Variants in CWF19L2 observed in about 807,000 individuals in gnomAD.
The protein encoded by CWF19L2 is CWF19-like protein 2.
Under a neutral mutation model 111.7 loss-of-function variants are expected in CWF19L2, and 98 were observed. The ratio of observed to expected loss-of-function variants is 0.88; its 90% CI spans 0.75 to 1.04. The LOEUF is 1.04. Ranked by LOEUF, CWF19L2 falls within the 50% of genes least tolerant of loss-of-function variation. CWF19L2 has a pLI of 0.00. For missense variants in CWF19L2, 1,101 were observed against 1,051.4 expected (o/e 1.05, Z -0.65); for synonymous variants, 351 against 342.9 (o/e 1.02, Z -0.26).
intron 10 of CWF19L2, among the ~76,000 whole-genome samples, chr11:107,406,764 T>C (rs1397950005): frequency 6.6e-6 from 1 of 151,678 alleles, no homozygotes; most frequent in East Asian, 1.9e-4. Context: ...TAAAAAATCA[T>C]TTCTATTTAT....
intron 12 of CWF19L2, among the ~76,000 whole-genome samples, chr11:107,385,278 G>A (rs886442344): frequency 6.6e-6 from 1 of 150,732 alleles, no homozygotes; most frequent in African/African-American, 2.4e-5. Flanking sequence ...GTAGGAACTG[G>A]CATTGCTTTG....
chr11:107,427,358 C>T (rs941833719), intron 8 of CWF19L2, among the ~76,000 whole-genome samples: 1 of 151,992 alleles, frequency 6.6e-6, no homozygotes, highest in Non-Finnish European at 1.5e-5. Context: ...GGAAAAATTA[C>T]ATGTATACAT....
At chr11:107,402,648 C>T (rs1443433849) in intron 10 of CWF19L2, among the ~76,000 whole-genome samples, 1 of 151,872 alleles carries the variant, frequency 6.6e-6, no homozygotes, top group Non-Finnish European at 1.5e-5. Context: ...TAAACTAGTA[C>T]AGCCACTATG....
chr11:107,417,900 C>T (rs1861250365), intron 9 of CWF19L2, among the ~76,000 whole-genome samples: 1 of 152,096 alleles, frequency 6.6e-6, no homozygotes, highest in Non-Finnish European at 1.5e-5. Flanking sequence ...GCTGGAATTA[C>T]AGGCATGCGC....
intron 14 of CWF19L2, among the ~76,000 whole-genome samples, chr11:107,339,935 T>C (rs1159453704): frequency 1.3e-5 from 2 of 152,268 alleles, no homozygotes; most frequent in East Asian, 3.9e-4. Flanking sequence ...CCCAAAGTCC[T>C]GAGATTACAG....
chr11:107,455,704 G>A lies in CWF19L2; in HGVS notation c.178C>T (p.Leu60=). 1.3e-6 allele frequency: 2 copies of A among 1,550,912 alleles called. No individual in the cohort carries two copies. Among genetic ancestry groups the A allele is most frequent in the South Asian group, 2.4e-5 (2 of 84,012 alleles). ...TCAATTCTCTCATTCACATCAGGTA[G>A]CATCCATGTATCCTCACCCCGAAGT... ...KRLRGEDTWM[L]PDVNERIEQF... is the part of the protein sequence containing the mutation. Residue 60 remains leucine (L), a synonymous_variant, in exon 2 of 18, where the codon CTA becomes TTA. Coordinates refer to ENST00000282251, the MANE Select transcript of CWF19L2 (RefSeq NM_152434.3).
Position 107,393,060 on chromosome 11 carries a change from T to C in CWF19L2, c.1618-165A>G, listed in dbSNP as rs367657778. Reference sequence around the variant, plus strand: ...TACTCTCTATACTATAAAATGAACATAATCTTTTGGGGAAAGGGTAAAAAA... The same window carrying C: ...TACTCTCTATACTATAAAATGAACACAATCTTTTGGGGAAAGGGTAAAAAA... On this transcript the variant is annotated intron_variant, in intron 10 of 17. Transcript: ENST00000282251. Among the ~76,000 whole-genome samples, 18 of 152,252 alleles carry C rather than the reference T, an allele frequency of 1.2e-4. No individual in the cohort carries two copies. The East Asian group carries it at 3.5e-3, about 29-fold the overall frequency.
chr11:107,354,031 A>T (rs1297719006), intron 12 of CWF19L2, among the ~76,000 whole-genome samples: 1 of 152,056 alleles, frequency 6.6e-6, no homozygotes, highest in Non-Finnish European at 1.5e-5. Context: ...ATAGATGAGG[A>T]AACTGAATCA....
intron 8 of CWF19L2, among the ~76,000 whole-genome samples, chr11:107,422,912 G>A (rs1027099447): frequency 1.3e-5 from 2 of 151,912 alleles, no homozygotes; most frequent in African/African-American, 4.8e-5. Flanking sequence ...ATTGTTGAAA[G>A]GAAAGGCAAT....
chr11:107,451,911 GA>G (rs1160626055), intron 3 of CWF19L2, among the ~76,000 whole-genome samples: 1 of 151,998 alleles, frequency 6.6e-6, no homozygotes, highest in Non-Finnish European at 1.5e-5. Flanking sequence ...CAGAAAACTA[GA>G]AATAAAATGT....
At chr11:107,387,722 C>T (rs1448748337) in intron 12 of CWF19L2, among the ~76,000 whole-genome samples, 1 of 152,150 alleles carries the variant, frequency 6.6e-6, no homozygotes, top group African/African-American at 2.4e-5. Context: ...AGATCCCTCA[C>T]ATGTCTAATT....
chr11:107,379,657 T>C (rs1236412780), intron 12 of CWF19L2, among the ~76,000 whole-genome samples: 1 of 152,232 alleles, frequency 6.6e-6, no homozygotes, highest in Non-Finnish European at 1.5e-5. Context: ...ATTTTAAACA[T>C]ACAAAAATAT....
At chr11:107,404,123 G>A (rs1322288890) in intron 10 of CWF19L2, 7 of 775,082 alleles carry the variant, frequency 9.0e-6, no homozygotes, top group Non-Finnish European at 1.7e-5. Flanking sequence ...TGTCTCTGTC[G>A]ACTTTCTTCC....
intron 12 of CWF19L2, among the ~76,000 whole-genome samples, chr11:107,380,931 A>G (rs1349966812): frequency 1.3e-5 from 2 of 152,236 alleles, no homozygotes; most frequent in East Asian, 3.8e-4. Context: ...GCAAAACTTG[A>G]AAACATTATG....
At chr11:107,441,313 C>T (rs1861615690) in intron 5 of CWF19L2, among the ~76,000 whole-genome samples, 190 bp downstream of exon 5, 2 of 152,146 alleles carry the variant, frequency 1.3e-5, no homozygotes, top group African/African-American at 4.8e-5. Context: ...TCTAGTAAAC[C>T]TTTAAACTCA....
intron 12 of CWF19L2, among the ~76,000 whole-genome samples, chr11:107,367,278 G>A (rs372431529): frequency 7.4e-6 from 1 of 134,652 alleles, no homozygotes; most frequent in Non-Finnish European, 1.6e-5. Context: ...GCGATTCCTC[G>A]GGGATCTAGA....
At chr11:107,359,292 C>A (rs1860286927) in intron 12 of CWF19L2, among the ~76,000 whole-genome samples, 1 of 152,194 alleles carries the variant, frequency 6.6e-6, no homozygotes, top group African/African-American at 2.4e-5. Context: ...TATGGATTTG[C>A]CTTCCTGGCA....
At chr11:107,374,294 G>A (rs1860561959) in intron 12 of CWF19L2, among the ~76,000 whole-genome samples, 1 of 129,298 alleles carries the variant, frequency 7.7e-6, no homozygotes, top group Non-Finnish European at 1.6e-5. Context: ...TCCTCGAGAA[G>A]AGCAACACCA....
chr11:107,434,135 T>C (rs547161889), intron 6 of CWF19L2, among the ~76,000 whole-genome samples: 26 of 149,152 alleles, frequency 1.7e-4, no homozygotes, highest in African/African-American at 5.7e-4. Flanking sequence ...AGAAAATGAG[T>C]TGGGTTTCTA....
Sources: gnomAD v4.1 joint callset for allele counts (sites outside exome capture counted in the v4.1 genomes callset) on GRCh38, gnomAD v4.1.1 for gene constraint, MANE v1.5 for transcripts, NCBI Gene and HGNC (gene_info 2026-07-23, HGNC 2026-07-21) for gene names.